The following FAM78B variants were observed in gnomAD, a reference collection of about 807,000 sequenced individuals.
FAM78B encodes family with sequence similarity 78 member B.
Under a neutral mutation model 20.0 loss-of-function variants are expected in FAM78B, and 10 were observed. The observed-to-expected ratio is 0.50, with a 90% CI of 0.31 to 0.85. The LOEUF is 0.85. FAM78B is among the 40% of genes least tolerant of loss of function. FAM78B has a pLI of 0.05. For missense variants in FAM78B, 283 were observed against 345.0 expected (o/e 0.82, Z 1.42); for synonymous variants, 135 against 132.8 (o/e 1.02, Z -0.12).
intron 1 of FAM78B, among the ~76,000 whole-genome samples, chr1:166,152,853 T>G (rs1163240031): frequency 6.6e-6 from 1 of 152,008 alleles, no homozygotes; most frequent in Non-Finnish European, 1.5e-5. Flanking sequence ...AATTTTTGTA[T>G]TTTTAGTACA....
At chr1:166,161,050 A>G (rs1464140352) in intron 1 of FAM78B, among the ~76,000 whole-genome samples, 1 of 152,260 alleles carries the variant, frequency 6.6e-6, no homozygotes, top group Non-Finnish European at 1.5e-5. Flanking sequence ...GGAGAGCGGC[A>G]TATGGAAACG....
chr1:166,098,742 T>C (rs1454693977), intron 1 of FAM78B, among the ~76,000 whole-genome samples: 2 of 152,112 alleles, frequency 1.3e-5, no homozygotes, highest in African/African-American at 2.4e-5. Flanking sequence ...TCTGGGATTA[T>C]GTTAAATGAC....
At chr1:166,059,185 C>G (rs1353144484) in exon 3 of FAM78B, 1 of 152,654 alleles carries the variant, frequency 6.6e-6, no homozygotes, top group Admixed American at 6.5e-5. Flanking sequence ...TGTTTGGGAG[C>G]AGCCCGCAGG....
chr1:166,149,986 C>T (rs2101797013), intron 1 of FAM78B, among the ~76,000 whole-genome samples: 1 of 152,298 alleles, frequency 6.6e-6, no homozygotes, highest in Non-Finnish European at 1.5e-5. Flanking sequence ...CTGCCAGAAG[C>T]CAAATGCTAG....
intron 1 of FAM78B, among the ~76,000 whole-genome samples, chr1:166,111,633 G>C (rs1267698554): frequency 6.6e-6 from 1 of 152,202 alleles, no homozygotes; most frequent in African/African-American, 2.4e-5. Flanking sequence ...AAACTCCCAA[G>C]GTCAAAGTCT....
At chr1:166,111,277 T>C (rs1654047787) in intron 1 of FAM78B, among the ~76,000 whole-genome samples, 1 of 152,178 alleles carries the variant, frequency 6.6e-6, no homozygotes, top group South Asian at 2.1e-4. Flanking sequence ...ATAGGAACTC[T>C]CTCCAGGACT....
At chr1:166,151,513 G>C (rs1431328777) in intron 1 of FAM78B, among the ~76,000 whole-genome samples, 1 of 152,180 alleles carries the variant, frequency 6.6e-6, no homozygotes, top group Non-Finnish European at 1.5e-5. Context: ...CCTGGGTTCT[G>C]ATCCAGAAGC....
chr1:166,125,154 A>G (rs574153213), intron 1 of FAM78B, among the ~76,000 whole-genome samples: 2 of 152,120 alleles, frequency 1.3e-5, no homozygotes, highest in Non-Finnish European at 2.9e-5. Flanking sequence ...TTTCATTCAG[A>G]GCTGATTTTC....
intron 1 of FAM78B, among the ~76,000 whole-genome samples, chr1:166,148,761 C>T (rs1655568708): frequency 6.6e-6 from 1 of 152,230 alleles, no homozygotes; most frequent in Admixed American, 6.5e-5. Flanking sequence ...TCTCCCAATG[C>T]AGTTGTCCAT....
At chr1:166,060,380 G>C in exon 3 of FAM78B, 1 of 357,906 alleles carries the variant, frequency 2.8e-6, no homozygotes, top group Non-Finnish European at 5.5e-6. Context: ...CACACAAAAA[G>C]ATACAGCAGG....
At chr1:166,125,401 G>C (rs533419794) in intron 1 of FAM78B, among the ~76,000 whole-genome samples, 21 of 152,280 alleles carry the variant, frequency 1.4e-4, no homozygotes, top group African/African-American at 5.1e-4. Flanking sequence ...TGGTAAGAGG[G>C]AGGGACTGCA....
chr1:166,068,175 G>T (rs1651873687), downstream of FAM78B, among the ~76,000 whole-genome samples: 1 of 152,166 alleles, frequency 6.6e-6, no homozygotes, highest in Non-Finnish European at 1.5e-5. Context: ...CCACTCCCCA[G>T]GATCCCATAG....
At chr1:166,165,732 C>A (rs1268512511) in intron 1 of FAM78B, among the ~76,000 whole-genome samples, 3 of 152,174 alleles carry the variant, frequency 2.0e-5, no homozygotes, top group Non-Finnish European at 4.4e-5. Flanking sequence ...TTCTTCCCGC[C>A]CCGCACCTTT....
At chr1:166,145,673 A>G (rs1655427861) in intron 1 of FAM78B, among the ~76,000 whole-genome samples, 1 of 152,222 alleles carries the variant, frequency 6.6e-6, no homozygotes, top group South Asian at 2.1e-4. Context: ...TAACTTATCA[A>G]AGACAATCTC....
At chr1:166,134,441 C>A (rs1375963052) in intron 1 of FAM78B, among the ~76,000 whole-genome samples, 1 of 151,918 alleles carries the variant, frequency 6.6e-6, no homozygotes, top group South Asian at 2.1e-4. Context: ...GGGCTGAGTA[C>A]CCCCTAGCTT....
intron 1 of FAM78B, among the ~76,000 whole-genome samples, chr1:166,160,569 A>G (rs1656108005): frequency 6.6e-6 from 1 of 152,230 alleles, no homozygotes; most frequent in East Asian, 1.9e-4. Context: ...GCGGAGTTAA[A>G]CTATATATTA....
At chr1:166,062,656 G>A (rs1224499684) in intron 2 of FAM78B, among the ~76,000 whole-genome samples, 3 of 152,210 alleles carry the variant, frequency 2.0e-5, no homozygotes, top group Admixed American at 1.3e-4. Context: ...TGATATGCAT[G>A]TGCAGCGTCT....
At chr1:166,118,105 G>A (rs530939327) in intron 1 of FAM78B, among the ~76,000 whole-genome samples, 1 of 152,302 alleles carries the variant, frequency 6.6e-6, no homozygotes, top group South Asian at 2.1e-4. Flanking sequence ...GTGGAATGAA[G>A]GAGCAGGCAT....
intron 1 of FAM78B, among the ~76,000 whole-genome samples, chr1:166,088,024 A>T (rs1278915906): frequency 6.6e-6 from 1 of 152,072 alleles, no homozygotes; most frequent in Non-Finnish European, 1.5e-5. Flanking sequence ...GGTGGTTCAG[A>T]AGTCAGCCTG....
Sources: allele counts gnomAD v4.1 joint callset (sites outside exome capture counted in the v4.1 genomes callset), GRCh38; gene constraint gnomAD v4.1.1; transcripts MANE v1.5; gene names NCBI Gene and HGNC (gene_info 2026-07-23, HGNC 2026-07-21).